The following SLC39A11 variants were observed in gnomAD, a reference collection of about 807,000 sequenced individuals.
The protein encoded by SLC39A11 is solute carrier family 39 member 11, also known as zinc transporter ZIP11.
SLC39A11 carries 33 observed loss-of-function variants against 36.1 expected under a neutral mutation model. The observed-to-expected ratio is 0.91, with a 90% CI of 0.69 to 1.22. SLC39A11 has a LOEUF of 1.22. SLC39A11 is among the 50% of genes most tolerant of loss of function. SLC39A11 has a pLI of 0.00. For missense variants in SLC39A11, 432 were observed against 430.3 expected (o/e 1.00, Z -0.03); for synonymous variants, 166 against 170.3 (o/e 0.97, Z 0.20).
intron 7 of SLC39A11, among the ~76,000 whole-genome samples, chr17:72,698,068 G>A (rs1453837144): frequency 2.6e-5 from 4 of 152,202 alleles, no homozygotes; most frequent in African/African-American, 9.7e-5. Flanking sequence ...TTCTACGCGG[G>A]CCTGGTTTAG....
At chr17:72,647,978 T>C (rs999483055) in intron 9 of SLC39A11, among the ~76,000 whole-genome samples, 2 of 152,146 alleles carry the variant, frequency 1.3e-5, no homozygotes, top group Non-Finnish European at 2.9e-5. Flanking sequence ...GGTGATTATT[T>C]CTTAAAGATA....
intron 6 of SLC39A11, among the ~76,000 whole-genome samples, chr17:72,798,613 G>T (rs2076980228): frequency 6.6e-6 from 1 of 151,710 alleles, no homozygotes; most frequent in Admixed American, 6.6e-5. Flanking sequence ...TCGAAATTCT[G>T]ACCTCAGGTG....
chr17:72,727,420 G>T (rs144455712), intron 7 of SLC39A11, among the ~76,000 whole-genome samples: 2 of 152,084 alleles, frequency 1.3e-5, no homozygotes, highest in East Asian at 1.9e-4. Context: ...TTGGGAGGCC[G>T]AGGCGGGTGG....
intron 4 of SLC39A11, among the ~76,000 whole-genome samples, chr17:72,993,319 T>G (rs2089302673): frequency 6.6e-6 from 1 of 152,224 alleles, no homozygotes; most frequent in African/African-American, 2.4e-5. Flanking sequence ...TTTATGTAAA[T>G]TATACCTCAA....
At chr17:72,717,399 C>T (rs564598879) in intron 7 of SLC39A11, among the ~76,000 whole-genome samples, 2 of 152,152 alleles carry the variant, frequency 1.3e-5, no homozygotes, top group African/African-American at 4.8e-5. Flanking sequence ...TCAAGTTGTC[C>T]GCAGGGCTAT....
chr17:72,984,329 G>A (rs985686491), intron 4 of SLC39A11, among the ~76,000 whole-genome samples: 3 of 151,218 alleles, frequency 2.0e-5, no homozygotes, highest in Non-Finnish European at 4.4e-5. Context: ...GGTCAAACCC[G>A]GCCCACAGTC....
intron 6 of SLC39A11, among the ~76,000 whole-genome samples, chr17:72,814,269 G>T (rs1305372578): frequency 6.6e-6 from 1 of 152,166 alleles, no homozygotes; most frequent in African/African-American, 2.4e-5. Context: ...TTACTCTACT[G>T]AGAAGTACCT....
chr17:72,731,057 C>T (rs1231979435), intron 7 of SLC39A11, among the ~76,000 whole-genome samples: 1 of 152,132 alleles, frequency 6.6e-6, no homozygotes, highest in African/African-American at 2.4e-5. Context: ...GCCAGCCATG[C>T]CCATTTCTTT....
Position 73,056,173 on chromosome 17 carries a change from G to GT in SLC39A11, c.148-24460dup, listed in dbSNP as rs765845918. On this transcript the variant is annotated intron_variant, in intron 3 of 9. Transcript: ENST00000255559. ...CAGATTGGACTCTGGTTTTTTGTTT[G>GT]TTTGTTTTTTTTTGAGACGGAGTCT... Among the ~76,000 whole-genome samples the GT allele has an allele frequency of 7.6e-3, 1,097 of 145,046 alleles. 4 individuals carry two copies. The highest frequency in any genetic ancestry group is 0.013 in the African/African-American group (524 of 39,814).
chr17:73,089,389 A>C (rs1407554307), intron 1 of SLC39A11, among the ~76,000 whole-genome samples: 1 of 152,152 alleles, frequency 6.6e-6, no homozygotes, highest in Non-Finnish European at 1.5e-5. Context: ...GGCACCTTCC[A>C]CAAGCCCCAG....
intron 7 of SLC39A11, among the ~76,000 whole-genome samples, chr17:72,650,051 T>A (rs755940091): frequency 3.3e-5 from 5 of 152,182 alleles, no homozygotes; most frequent in Non-Finnish European, 7.4e-5. Flanking sequence ...AATGAGTATA[T>A]CACATTTTAT....
intron 7 of SLC39A11, among the ~76,000 whole-genome samples, chr17:72,686,031 TA>T (rs563539019): frequency 3.3e-3 from 484 of 144,598 alleles, no homozygotes; most frequent in African/African-American, 3.8e-3. Context: ...GACTCTGTCT[TA>T]AAAAAAAAAA....
chr17:72,893,478 T>G (rs1178158652), intron 5 of SLC39A11, among the ~76,000 whole-genome samples: 3 of 152,022 alleles, frequency 2.0e-5, no homozygotes, highest in Non-Finnish European at 4.4e-5. Context: ...AATATATATA[T>G]ATAGATACGG....
intron 7 of SLC39A11, among the ~76,000 whole-genome samples, chr17:72,678,158 T>C (rs1687530974): frequency 6.6e-6 from 1 of 152,232 alleles, no homozygotes; most frequent in African/African-American, 2.4e-5. Context: ...CTGCCATAAA[T>C]GGCAGTTTGG....
At chr17:73,044,878 G>GAAAAAA (rs11298701) in intron 3 of SLC39A11, among the ~76,000 whole-genome samples, 2 of 119,020 alleles carry the variant, frequency 1.7e-5, no homozygotes, top group Admixed American at 9.1e-5. Flanking sequence ...CTCTGTCTCA[G>GAAAAAA]AAAAAAAAAA....
At chr17:72,829,288 T>C (rs2078167194) in intron 6 of SLC39A11, among the ~76,000 whole-genome samples, 1 of 150,696 alleles carries the variant, frequency 6.6e-6, no homozygotes, top group South Asian at 2.1e-4. Context: ...GAGGTGGAGG[T>C]TGCAGTGAGC....
chr17:73,076,121 T>TA lies in SLC39A11; in HGVS notation c.147+8686dup, dbSNP rs543884771. Among the ~76,000 whole-genome samples, 7 of 151,698 alleles carry TA rather than the reference T, an allele frequency of 4.6e-5. No individual in the cohort carries two copies. The East Asian group carries it at 1.4e-3, about 30-fold the overall frequency. ...CCTGAGAGGGAATAATGACTTTTTT[T>TA]AATGGTAACCACTCTCCTATTAAGT... On this transcript the variant is annotated intron_variant, in intron 3 of 9. Coordinates refer to ENST00000255559, the MANE Select transcript of SLC39A11 (RefSeq NM_139177.4).
intron 7 of SLC39A11, among the ~76,000 whole-genome samples, chr17:72,734,692 C>T (rs1007948519): frequency 3.3e-5 from 5 of 152,202 alleles, no homozygotes; most frequent in African/African-American, 4.8e-5. Context: ...AGAAGAACAT[C>T]GGAGTTGACA....
intron 6 of SLC39A11, among the ~76,000 whole-genome samples, chr17:72,818,432 G>A (rs1490827285): frequency 6.6e-6 from 1 of 152,160 alleles, no homozygotes; most frequent in African/African-American, 2.4e-5. Context: ...TGTTCCGAGA[G>A]GAATGACTTC....
Sources: gnomAD v4.1 joint callset for allele counts (sites outside exome capture counted in the v4.1 genomes callset) on GRCh38, gnomAD v4.1.1 for gene constraint, MANE v1.5 for transcripts, NCBI Gene and HGNC (gene_info 2026-07-23, HGNC 2026-07-21) for gene names.